TENM1: variants seen among roughly 807,000 people sequenced by gnomAD.
TENM1 encodes the protein teneurin transmembrane protein 1.
Under a neutral mutation model 174.8 loss-of-function variants are expected in TENM1, and 35 were observed. That is an observed-to-expected ratio of 0.20 (90% CI 0.15 to 0.27). The LOEUF (loss-of-function observed/expected upper bound fraction) is 0.27, where lower values mean the gene tolerates loss of function less well. Among genes scored for constraint, TENM1 ranks in the 10% least tolerant of loss-of-function variants. The probability of loss-of-function intolerance (pLI) is 1.00; values close to 1 mark genes in which losing one functional copy is unlikely to be tolerated. For synonymous variants in TENM1, 781 were observed against 798.7 expected, an observed-to-expected ratio of 0.98 and a Z score of 0.37; for missense variants, 1,633 against 2,130.1, an observed-to-expected ratio of 0.77 and a Z score of 4.59.
At chrX:124,443,044 ATGTGTGTGTGTGTGTGTG>A (rs59365041) in intron 23 of TENM1, among the ~76,000 whole-genome samples, 23 of 51,953 alleles carry the variant, frequency 4.4e-4, no homozygotes, top group South Asian at 1.2e-3. Context: ...CTGGATGACT[ATGTGTGTGTGTGTGTGTG>A]TGTGTGTGTG....
intron 3 of TENM1, among the ~76,000 whole-genome samples, chrX:124,859,267 A>C (rs1380059558): frequency 9.0e-6 from 1 of 111,070 alleles, no homozygotes; most frequent in African/African-American, 3.3e-5. Context: ...GAGGTTGGCC[A>C]GGCGCGGTGG....
intron 1 of TENM1, among the ~76,000 whole-genome samples, chrX:124,938,647 G>A (rs977745339): frequency 5.4e-5 from 6 of 111,889 alleles, no homozygotes; most frequent in African/African-American, 1.9e-4. Context: ...TAAAATGGAA[G>A]AACTATTTTT....
the TENM1 span, among the ~76,000 whole-genome samples, chrX:125,138,652 T>C: frequency 3.6e-5 from 4 of 110,914 alleles, no homozygotes; most frequent in South Asian, 1.5e-3. Flanking sequence ...AGAATAATAG[T>C]TAACCTTGAA....
the TENM1 span, among the ~76,000 whole-genome samples, chrX:125,170,963 G>A: frequency 1.2e-3 from 128 of 110,932 alleles, no homozygotes; most frequent in African/African-American, 3.6e-3. Flanking sequence ...AGTATATTCC[G>A]AGACATAAGC....
At position 124,514,417 on chromosome X, in the gene TENM1, GT is replaced by G. The variant is rs200104181; in HGVS notation, c.3301+6099del. Among the ~76,000 whole-genome samples the G allele has an allele frequency of 4.5e-5, 5 of 111,042 alleles. No homozygotes were observed. The East Asian group carries it at 1.1e-3, about 25-fold the overall frequency. On this transcript the variant is annotated intron_variant, in intron 18 of 31. Transcript: ENST00000422452. Reference sequence around the variant, plus strand: ...AAAAGATCAAAAAATTCAGGTGTTGGTTTTTTGAAAAATTAGTAAGATATAT... The same window carrying G: ...AAAAGATCAAAAAATTCAGGTGTTGGTTTTTGAAAAATTAGTAAGATATAT...
At chrX:124,409,418 T>C (rs2060504227) in intron 25 of TENM1, among the ~76,000 whole-genome samples, 1 of 107,815 alleles carries the variant, frequency 9.3e-6, no homozygotes, top group Admixed American at 1.0e-4. Flanking sequence ...GCCAATATCA[T>C]ACTGAATGGG....
chrX:125,105,344 T>G, the TENM1 span, among the ~76,000 whole-genome samples: 1 of 111,115 alleles, frequency 9.0e-6, no homozygotes, highest in Non-Finnish European at 1.9e-5. Context: ...CTAGCTCACT[T>G]TTTTTCAAAA....
At chrX:124,503,433 T>C in intron 19 of TENM1, 127 bp downstream of exon 22, 1 of 545,219 alleles carries the variant, frequency 1.8e-6, no homozygotes, top group South Asian at 4.3e-5. Flanking sequence ...TTATGTTTAA[T>C]GCGGTCATCT....
At chrX:124,803,597 C>T (rs957151652) in intron 3 of TENM1, among the ~76,000 whole-genome samples, 2 of 112,200 alleles carry the variant, frequency 1.8e-5, no homozygotes, top group African/African-American at 6.5e-5. Context: ...ACAATACTTA[C>T]CTAGTTGTAT....
chrX:124,436,741 C>T (rs776752088), intron 23 of TENM1, among the ~76,000 whole-genome samples: 2 of 110,323 alleles, frequency 1.8e-5, no homozygotes, highest in East Asian at 5.7e-4. Flanking sequence ...GGAGCAAATT[C>T]TCCAACTTTC....
chrX:124,753,312 T>C (rs1329960017), intron 3 of TENM1, among the ~76,000 whole-genome samples: 1 of 109,045 alleles, frequency 9.2e-6, no homozygotes, highest in Non-Finnish European at 1.9e-5. Flanking sequence ...TGTATAAGAA[T>C]GCTTGTGATT....
upstream of TENM1, among the ~76,000 whole-genome samples, chrX:124,966,400 C>T (rs763199992): frequency 1.8e-5 from 2 of 111,893 alleles, no homozygotes; most frequent in South Asian, 3.7e-4. Flanking sequence ...CAAAAACTCA[C>T]GCCTGTAATC....
chrX:125,066,649 T>G, the TENM1 span, among the ~76,000 whole-genome samples: 24 of 112,000 alleles, frequency 2.1e-4, no homozygotes, highest in African/African-American at 7.4e-4. Context: ...CTATTGACAC[T>G]GTGTTAATTT....
chrX:124,557,322 T>C (rs2048715628), intron 14 of TENM1, among the ~76,000 whole-genome samples: 1 of 109,988 alleles, frequency 9.1e-6, no homozygotes, highest in African/African-American at 3.3e-5. Context: ...ATTTAGATAT[T>C]GGATGGTCTA....
intron 3 of TENM1, among the ~76,000 whole-genome samples, chrX:124,751,752 T>C (rs1196261238): frequency 2.9e-5 from 3 of 105,018 alleles, no homozygotes; most frequent in Non-Finnish European, 5.9e-5. Context: ...TTTGGTTTTT[T>C]GTCCTTGCGA....
intron 11 of TENM1, among the ~76,000 whole-genome samples, chrX:124,604,531 G>A (rs950473534): frequency 3.6e-5 from 4 of 110,938 alleles, no homozygotes; most frequent in Non-Finnish European, 7.6e-5. Context: ...GTCCAAAATC[G>A]TTGATGTGTG....
At chrX:124,900,861 G>A (rs2057650673) in intron 1 of TENM1, among the ~76,000 whole-genome samples, 1 of 103,187 alleles carries the variant, frequency 9.7e-6, no homozygotes, top group Non-Finnish European at 2.0e-5. Context: ...GTGTGGTCTC[G>A]GCTCACTGCA....
the TENM1 span, among the ~76,000 whole-genome samples, chrX:125,090,449 C>A: frequency 1.0e-3 from 111 of 105,971 alleles, no homozygotes; most frequent in African/African-American, 3.6e-3. Flanking sequence ...AGTTCGAGAC[C>A]AGTCTGGGAA....
chrX:124,909,020 G>T (rs984368316), intron 1 of TENM1, among the ~76,000 whole-genome samples: 2 of 110,935 alleles, frequency 1.8e-5, no homozygotes, highest in Admixed American at 9.6e-5. Flanking sequence ...CACCATGCTT[G>T]GCTAATTTTT....
Sources: allele counts gnomAD v4.1 joint callset (sites outside exome capture counted in the v4.1 genomes callset), GRCh38; gene constraint gnomAD v4.1.1; transcripts MANE v1.5; gene names NCBI Gene and HGNC (gene_info 2026-07-23, HGNC 2026-07-21).